SIGLEC5: variants seen among roughly 807,000 people sequenced by gnomAD.
The protein encoded by SIGLEC5 is sialic acid-binding Ig-like lectin 5.
A neutral mutation model predicts 45.9 loss-of-function variants in SIGLEC5; 34 were observed. The observed-to-expected ratio is 0.74, with a 90% CI of 0.56 to 0.99. The LOEUF is 0.99. Among genes scored for constraint, SIGLEC5 ranks in the 50% least tolerant of loss-of-function variants. The probability of loss-of-function intolerance (pLI) is 0.00; values close to 1 mark genes in which losing one functional copy is unlikely to be tolerated. For synonymous variants in SIGLEC5, 203 were observed against 258.6 expected (o/e 0.79, Z 2.06); for missense variants, 508 against 629.6 (o/e 0.81, Z 2.07).
At chr19:51,621,753 CA>C (rs1983292289) in intron 8 of SIGLEC5, 1 of 151,886 alleles carries the variant, frequency 6.6e-6, no homozygotes, top group Admixed American at 6.6e-5. Flanking sequence ...AGGACACATG[CA>C]AGACCAACTT....
chr19:51,628,033 C>A lies in SIGLEC5; in HGVS notation c.798G>T (p.Arg266=). ...GGTTGCTGGGAGCATCACAGAGCAG[C>A]CGCAGAGCCTGGCCCTCCAGGACCG... The part of the protein sequence containing the change: ...YLPVLEGQAL[R]LLCDAPSNPP... The change falls in exon 5 of 9, where the codon CGG becomes CGT. Residue 266 remains arginine (R), a synonymous_variant. Coordinates refer to ENST00000683636, the MANE Select transcript of SIGLEC5 (RefSeq NM_003830.4). 6.3e-7 allele frequency: 1 copy of A among 1,598,564 alleles called. No homozygotes were observed. The highest frequency in any genetic ancestry group is 8.5e-7 in the Non-Finnish European group (1 of 1,171,968).
At chr19:51,625,295 G>A (rs533202248) in intron 8 of SIGLEC5, among the ~76,000 whole-genome samples, 3 of 152,342 alleles carry the variant, frequency 2.0e-5, no homozygotes, top group South Asian at 2.1e-4. Context: ...GACAGAAACA[G>A]GCTGAAGTGG....
chr19:51,627,484 G>A lies in SIGLEC5; in HGVS notation c.1260C>T (p.Ser420=), dbSNP rs141159931. The change falls in exon 6 of 9, where the codon AGC becomes AGT. Residue 420 remains serine (S), a synonymous_variant. Coordinates refer to ENST00000683636, the MANE Select transcript of SIGLEC5 (RefSeq NM_003830.4). Reference sequence around the variant, plus strand: ...GACCTTGCAGCAGCAGGACAGAGCCGCTCTGGGACCCATAGATGTTCCAGG... The same window carrying A: ...GACCTTGCAGCAGCAGGACAGAGCCACTCTGGGACCCATAGATGTTCCAGG... ...CKAWNIYGSQ[S]GSVLLLQGRS... is the part of the protein sequence containing the mutation. 134 of 1,613,606 alleles carry A rather than the reference G, an allele frequency of 8.3e-5. No individual in the cohort carries two copies. In the East Asian group the frequency reaches 9.8e-4, roughly 12 times the overall value.
intron 8 of SIGLEC5, among the ~76,000 whole-genome samples, chr19:51,625,048 C>T (rs1035281625): frequency 1.3e-5 from 2 of 151,750 alleles, no homozygotes; most frequent in Non-Finnish European, 1.5e-5. Context: ...GTGATGGGGA[C>T]GGGGATGCAT....
chr19:51,629,105 C>T, intron 3 of SIGLEC5, 29 bp from the exon 4 acceptor site: 7 of 1,612,468 alleles, frequency 4.3e-6, no homozygotes, highest in Non-Finnish European at 5.9e-6. Context: ...AACTTGGCTT[C>T]AGCAGTGAGG....
intron 7 of SIGLEC5, 31 bp from the exon 8 acceptor site, chr19:51,626,144 G>T: frequency 6.3e-7 from 1 of 1,579,738 alleles, no homozygotes; most frequent in Non-Finnish European, 8.7e-7. Flanking sequence ...AGTGCAGCTG[G>T]GACCACCCAG....
At chr19:51,616,752 A>G (rs909895290) in intron 8 of SIGLEC5, among the ~76,000 whole-genome samples, 1 of 152,038 alleles carries the variant, frequency 6.6e-6, no homozygotes, top group Non-Finnish European at 1.5e-5. Flanking sequence ...TCTCTAAAAA[A>G]ATACAAAAAT....
intron 8 of SIGLEC5, among the ~76,000 whole-genome samples, chr19:51,616,239 G>A (rs557774614): frequency 3.9e-5 from 6 of 152,302 alleles, no homozygotes; most frequent in Non-Finnish European, 8.8e-5. Context: ...GAACCTGATA[G>A]ACCACTAGAA....
Position 51,612,267 on chromosome 19 carries a change from G to T in SIGLEC5, c.1620C>A (p.Ser540Arg), listed in dbSNP as rs551417438. Residue 540 changes from serine to arginine, a missense_variant, in exon 9 of 9, where the codon AGC becomes AGA. Coordinates refer to ENST00000683636, the MANE Select transcript of SIGLEC5 (RefSeq NM_003830.4). ...TCTTGATCTCCGAGTACTCCGTGGT[G>T]CTTGGGGCCTCCTGGTCCTTAGGCT... Reference protein sequence around the residue: ...SREPKDQEAPSTTEYSEIKTS... With the variant: ...SREPKDQEAPRTTEYSEIKTS... 16 of 1,611,112 alleles carry T rather than the reference G, an allele frequency of 9.9e-6. No individual in the cohort carries two copies. In the South Asian group the frequency reaches 1.8e-4, roughly 18 times the overall value.
In SIGLEC5 at chr19:51,611,791, T is replaced by A. The variant is rs1173425630; in HGVS notation, c.*440A>T. ...CTTCGAAGAGTTTTGGGAAGGGGAG[T>A]GACACCAACATATTGCTGCCCTGTT... On this transcript the variant is annotated 3_prime_UTR_variant, in exon 9 of 9. Transcript: ENST00000683636. 1 of 151,936 alleles carries A rather than the reference T, an allele frequency of 6.6e-6. No individual in the cohort carries two copies. Among genetic ancestry groups the A allele is most frequent in the Non-Finnish European group, 1.5e-5 (1 of 68,144 alleles). The allele number at this position is 151,936 out of a possible 1,614,324, so 9.4% of individuals were successfully genotyped here. A position where few individuals can be genotyped will look rare whatever the true frequency, so the allele number is the denominator to read the frequency against.
At chr19:51,618,194 A>G (rs1319654427) in intron 8 of SIGLEC5, among the ~76,000 whole-genome samples, 2 of 152,038 alleles carry the variant, frequency 1.3e-5, no homozygotes, top group Non-Finnish European at 2.9e-5. Context: ...AGAAATCCAC[A>G]TATGTCAGTA....
At chr19:51,624,766 C>G (rs927190356) in intron 8 of SIGLEC5, among the ~76,000 whole-genome samples, 1 of 151,936 alleles carries the variant, frequency 6.6e-6, no homozygotes, top group South Asian at 2.1e-4. Context: ...GTCAGGAGTT[C>G]GAGACCACCC....
Position 51,627,815 on chromosome 19 carries a change from C to T in SIGLEC5, c.997+19G>A. On this transcript the variant is annotated intron_variant, in intron 5 of 8. Transcript: ENST00000683636. Reference sequence around the variant, plus strand: ...CTTTAATACCATGCAGTTCCTGCTCCAGCTGCCCCCACACTCACAGTAAAC... The same window carrying T: ...CTTTAATACCATGCAGTTCCTGCTCTAGCTGCCCCCACACTCACAGTAAAC... The T allele has an allele frequency of 6.3e-7, 1 of 1,585,556 alleles. No individual in the cohort carries two copies. The highest frequency in any genetic ancestry group is 8.6e-7 in the Non-Finnish European group (1 of 1,165,002).
At chr19:51,623,207 T>C (rs888917805) in intron 8 of SIGLEC5, among the ~76,000 whole-genome samples, 4 of 152,216 alleles carry the variant, frequency 2.6e-5, no homozygotes, top group Admixed American at 6.5e-5. Flanking sequence ...ATAAAACTTT[T>C]AGTAGAAACT....
chr19:51,623,953 G>A (rs1310205718), intron 8 of SIGLEC5, among the ~76,000 whole-genome samples: 1 of 152,104 alleles, frequency 6.6e-6, no homozygotes, highest in East Asian at 1.9e-4. Context: ...AAGGTGGGTG[G>A]ATCAAGACCA....
At chr19:51,628,237 G>A (rs972249703) in intron 4 of SIGLEC5, 146 bp from the exon 5 acceptor site, 3 of 933,608 alleles carry the variant, frequency 3.2e-6, no homozygotes, top group Non-Finnish European at 4.5e-6. Context: ...TCAAAGGCTG[G>A]GCCTTTGCAC....
At chr19:51,627,769 T>A in intron 5 of SIGLEC5, 23 bp from the exon 6 acceptor site, 1 of 1,568,822 alleles carries the variant, frequency 6.4e-7, no homozygotes, top group East Asian at 2.2e-5. Context: ...AGGACAGAAC[T>A]CAGCAGGGGG....
At position 51,627,883 on chromosome 19, in the gene SIGLEC5, A is replaced by T. The variant is rs375028282; in HGVS notation, c.948T>A (p.Ala316=). ...TTTGCAGGAAGCCCAGCGGGTGCTG[A>T]GCGCGGCAGGTGAAGCCTCCTTCTT... The part of the protein sequence containing the change: ...SAEEGGFTCR[A]QHPLGFLQIF... The change falls in exon 5 of 9, where the codon GCT becomes GCA. Residue 316 remains alanine, a synonymous_variant. Transcript: ENST00000683636. 3.7e-6 allele frequency: 6 copies of T among 1,612,902 alleles called. No homozygotes were observed. The highest frequency in any genetic ancestry group is 3.3e-4 in the Middle Eastern group (2 of 6,072).
chr19:51,628,177 G>T (rs1983575809), intron 4 of SIGLEC5, 86 bp from the exon 5 acceptor site: 5 of 1,405,264 alleles, frequency 3.6e-6, no homozygotes, highest in Middle Eastern at 2.4e-4. Flanking sequence ...GGATCCAGAT[G>T]ACATCTCCCT....
Sources: allele counts gnomAD v4.1 joint callset (sites outside exome capture counted in the v4.1 genomes callset), GRCh38; gene constraint gnomAD v4.1.1; transcripts MANE v1.5; gene names NCBI Gene and HGNC (gene_info 2026-07-23, HGNC 2026-07-21).